Variants in TMCO6 observed in about 807,000 individuals in gnomAD.
TMCO6 encodes transmembrane and coiled-coil domains 6.
A neutral mutation model predicts 61.8 loss-of-function variants in TMCO6; 47 were observed. The observed-to-expected ratio is 0.76, with a 90% CI of 0.60 to 0.97. The LOEUF (loss-of-function observed/expected upper bound fraction) is 0.97, where lower values mean the gene tolerates loss of function less well. TMCO6 is among the 50% of genes least tolerant of loss of function. TMCO6 has a pLI of 0.00. For missense variants in TMCO6, 557 were observed against 601.6 expected (o/e 0.93, Z 0.78); for synonymous variants, 261 against 254.2 (o/e 1.03, Z -0.25).
chr5:140,601,339 C>T, the TMCO6 span, among the ~76,000 whole-genome samples: 3 of 152,082 alleles, frequency 2.0e-5, no homozygotes, highest in African/African-American at 7.2e-5. Flanking sequence ...GGAAGCTGAC[C>T]CATTTGTCAT....
the TMCO6 span, among the ~76,000 whole-genome samples, chr5:140,616,902 G>A: frequency 3.3e-5 from 5 of 151,994 alleles, no homozygotes; most frequent in East Asian, 3.9e-4. Flanking sequence ...TGTTAGGCAG[G>A]TGTGGTGACA....
At chr5:140,632,655 A>G in the TMCO6 span, 1 of 1,613,752 alleles carries the variant, frequency 6.2e-7, no homozygotes, top group South Asian at 1.1e-5. This position sits in a 1 kb window ranked among gnomAD's most constrained non-coding sequence, Gnocchi z 6.2. Flanking sequence ...TAGCACACGC[A>G]GGGCGCCTAC....
the TMCO6 span, among the ~76,000 whole-genome samples, chr5:140,597,069 C>T: frequency 3.9e-5 from 6 of 152,144 alleles, no homozygotes; most frequent in Non-Finnish European, 7.3e-5. Context: ...GAAGACCAGA[C>T]ATATTCTTTA....
the TMCO6 span, among the ~76,000 whole-genome samples, chr5:140,600,802 A>C: frequency 2.6e-5 from 4 of 152,176 alleles, no homozygotes; most frequent in African/African-American, 9.7e-5. Context: ...TTATAATACT[A>C]GGGAGGGGAA....
chr5:140,603,553 C>T, the TMCO6 span, among the ~76,000 whole-genome samples: 1 of 152,152 alleles, frequency 6.6e-6, no homozygotes, highest in African/African-American at 2.4e-5. Context: ...GGTGATCTGC[C>T]CGCCTCGGCC....
the TMCO6 span, among the ~76,000 whole-genome samples, chr5:140,627,525 C>T: frequency 6.6e-6 from 1 of 151,954 alleles, no homozygotes; most frequent in African/African-American, 2.4e-5. Flanking sequence ...TCTTTATTTC[C>T]CAAGGATTAC....
chr5:140,597,202 T>G, the TMCO6 span, among the ~76,000 whole-genome samples: 1 of 152,206 alleles, frequency 6.6e-6, no homozygotes. Context: ...ATGCCTAATA[T>G]TTGGAGAAGT....
At chr5:140,629,492 T>A in the TMCO6 span, among the ~76,000 whole-genome samples, 2 of 152,338 alleles carry the variant, frequency 1.3e-5, no homozygotes, top group African/African-American at 4.8e-5. Context: ...AAAGTTATCT[T>A]CAGGCTATTA....
chr5:140,622,141 G>T, the TMCO6 span, among the ~76,000 whole-genome samples: 2 of 152,128 alleles, frequency 1.3e-5, no homozygotes, highest in African/African-American at 2.4e-5. Flanking sequence ...AAACTTGCTG[G>T]TTTTTGCAGC....
At chr5:140,639,655 G>A (rs1189696188) in intron 1 of TMCO6, 43 bp downstream of exon 1, 4 of 1,540,552 alleles carry the variant, frequency 2.6e-6, no homozygotes, top group Non-Finnish European at 3.5e-6. Flanking sequence ...GGCGGTCGGG[G>A]ATAAGTTGAG....
chr5:140,646,607 G>A (rs1450452920), downstream of TMCO6, among the ~76,000 whole-genome samples: 1 of 152,068 alleles, frequency 6.6e-6, no homozygotes, highest in African/African-American at 2.4e-5. Flanking sequence ...AACATTTATT[G>A]CATACCTACA....
At chr5:140,605,066 A>G in the TMCO6 span, among the ~76,000 whole-genome samples, 1 of 152,144 alleles carries the variant, frequency 6.6e-6, no homozygotes, top group Non-Finnish European at 1.5e-5. Flanking sequence ...CTCTTTGGTA[A>G]TTGTATTCCA....
chr5:140,618,631 G>A, the TMCO6 span, among the ~76,000 whole-genome samples: 1 of 151,850 alleles, frequency 6.6e-6, no homozygotes, highest in South Asian at 2.1e-4. Flanking sequence ...TATCTTTTCT[G>A]CTACTCTCCC....
chr5:140,641,878 G>A lies in TMCO6; in HGVS notation c.323G>A (p.Gly108Asp), dbSNP rs772421510. 6.2e-7 allele frequency: 1 copy of A among 1,612,720 alleles called. No homozygotes were observed. The highest frequency in any genetic ancestry group is 8.5e-7 in the Non-Finnish European group (1 of 1,178,848). ...ETQQTFIRLE[G>D]SMRTLVGLLT... ...GGTACTCACTCACATAGGCTGGAGG[G>A]CAGCATGCGGACCCTGGTCGGGCTC... The change falls in exon 4 of 12, where the codon GGC becomes GAC. Residue 108 changes from glycine to aspartate, a missense_variant. Coordinates refer to ENST00000394671, the MANE Select transcript of TMCO6 (RefSeq NM_018502.5).
chr5:140,633,370 G>C, the TMCO6 span: 1 of 539,002 alleles, frequency 1.9e-6, no homozygotes, highest in African/African-American at 1.9e-5. Flanking sequence ...CTAGGGTTCT[G>C]TGTCTCCTGG....
the TMCO6 span, chr5:140,632,889 A>G: frequency 6.2e-7 from 1 of 1,614,148 alleles, no homozygotes. This position sits in a 1 kb window ranked among gnomAD's most constrained non-coding sequence, Gnocchi z 6.2. Context: ...GACGCAGCGG[A>G]AATCTTCATC....
At chr5:140,630,559 T>A in the TMCO6 span, among the ~76,000 whole-genome samples, 1 of 152,314 alleles carries the variant, frequency 6.6e-6, no homozygotes, top group Middle Eastern at 3.4e-3. Context: ...GCACAAGGCC[T>A]GAGGTGAAAT....
the TMCO6 span, among the ~76,000 whole-genome samples, chr5:140,600,951 C>T: frequency 6.6e-6 from 1 of 152,214 alleles, no homozygotes; most frequent in African/African-American, 2.4e-5. Context: ...GCATCCCTGA[C>T]TGAAGCTTCC....
chr5:140,644,381 C>T (rs942965298), intron 10 of TMCO6, among the ~76,000 whole-genome samples, 187 bp downstream of exon 10: 9 of 152,218 alleles, frequency 5.9e-5, no homozygotes, highest in Non-Finnish European at 1.0e-4. Context: ...AACTAACCAC[C>T]TTAAGCTTCA....
Sources: allele counts gnomAD v4.1 joint callset (sites outside exome capture counted in the v4.1 genomes callset), GRCh38; gene constraint gnomAD v4.1.1; non-coding constraint Gnocchi (gnomAD v3.1); transcripts MANE v1.5; gene names NCBI Gene and HGNC (gene_info 2026-07-23, HGNC 2026-07-21).